SLC44A3: variants seen among roughly 807,000 people sequenced by gnomAD.
SLC44A3 encodes the protein choline transporter-like protein 3.
A neutral mutation model predicts 75.4 loss-of-function variants in SLC44A3; 74 were observed. The ratio of observed to expected loss-of-function variants is 0.98; its 90% CI spans 0.81 to 1.19. The LOEUF (loss-of-function observed/expected upper bound fraction) is 1.19, where lower values mean the gene tolerates loss of function less well. SLC44A3 is among the 50% of genes most tolerant of loss of function. The pLI is 0.00. For missense variants in SLC44A3, 700 were observed against 778.6 expected (o/e 0.90, Z 1.20); for synonymous variants, 310 against 296.9 (o/e 1.04, Z -0.45).
chr1:94,869,833 G>T (rs1667565256), intron 12 of SLC44A3, among the ~76,000 whole-genome samples: 1 of 152,156 alleles, frequency 6.6e-6, no homozygotes, highest in African/African-American at 2.4e-5. Context: ...TGGCATCTCT[G>T]TCTCTGGAAA....
chr1:94,856,972 C>A (rs1423257988), intron 9 of SLC44A3, among the ~76,000 whole-genome samples: 3 of 152,082 alleles, frequency 2.0e-5, no homozygotes, highest in African/African-American at 7.2e-5. Context: ...CTCAGGTGAT[C>A]CGCCCACCTC....
chr1:94,841,059 C>T (rs1663562228), intron 7 of SLC44A3, among the ~76,000 whole-genome samples: 1 of 152,158 alleles, frequency 6.6e-6, no homozygotes, highest in Non-Finnish European at 1.5e-5. Context: ...TTACACAAAC[C>T]TAGATGGTAG....
chr1:94,870,675 T>C (rs1384070022), intron 12 of SLC44A3, among the ~76,000 whole-genome samples: 1 of 152,130 alleles, frequency 6.6e-6, no homozygotes, highest in African/African-American at 2.4e-5. Flanking sequence ...AGGTTTTTTG[T>C]TTTCGTTTTT....
intron 12 of SLC44A3, among the ~76,000 whole-genome samples, chr1:94,878,024 G>A (rs1021071123): frequency 2.6e-5 from 4 of 152,150 alleles, no homozygotes; most frequent in African/African-American, 9.7e-5. Context: ...CACGAGGTCA[G>A]GAGATCGAGA....
chr1:94,850,438 A>G (rs1665067563), intron 9 of SLC44A3, among the ~76,000 whole-genome samples: 1 of 152,168 alleles, frequency 6.6e-6, no homozygotes. Flanking sequence ...ATAGAAGAGA[A>G]CCATATTGGA....
chr1:94,873,613 C>G (rs574626562), intron 12 of SLC44A3, among the ~76,000 whole-genome samples: 26 of 152,284 alleles, frequency 1.7e-4, no homozygotes, highest in African/African-American at 6.3e-4. Context: ...TGTAGTATCT[C>G]CAAACATTCT....
rs546640915 is a variant in SLC44A3, at chr1:94,881,660, T to C, written c.1483-9470T>C. ...CGAAGCTTGCAGTGAGCTGAGATCA[T>C]GCCACTGCACTGAAGCCTGGGCAAC... On this transcript the variant is annotated intron_variant, in intron 12 of 14. Transcript: ENST00000271227. 7.1e-5 allele frequency among the ~76,000 whole-genome samples: 10 copies of C among 141,042 alleles called. No individual in the cohort carries two copies. The East Asian group carries it at 1.8e-3, about 25-fold the overall frequency. The allele number at this position is 141,042 out of a possible 152,430, so 92.5% of individuals were successfully genotyped here.
At chr1:94,881,460 T>A (rs576035818) in intron 12 of SLC44A3, among the ~76,000 whole-genome samples, 1 of 152,242 alleles carries the variant, frequency 6.6e-6, no homozygotes, top group South Asian at 2.1e-4. Flanking sequence ...ATCCCAGCGC[T>A]TTGGGAGGCT....
intron 12 of SLC44A3, among the ~76,000 whole-genome samples, chr1:94,877,122 C>G (rs1668375292): frequency 7.7e-6 from 1 of 130,392 alleles, no homozygotes; most frequent in South Asian, 2.4e-4. Flanking sequence ...CTTCTCCAAG[C>G]TGTGTTTAAA....
At chr1:94,847,410 G>T (rs902417994) in intron 9 of SLC44A3, among the ~76,000 whole-genome samples, 1 of 152,158 alleles carries the variant, frequency 6.6e-6, no homozygotes, top group African/African-American at 2.4e-5. Context: ...CACAGGTGGC[G>T]CTTCCACCCA....
At chr1:94,888,556 C>T in intron 12 of SLC44A3, 1 of 579,044 alleles carries the variant, frequency 1.7e-6, no homozygotes, top group African/African-American at 2.0e-5. Flanking sequence ...AGCAGCTTTC[C>T]AGCAACAGCT....
intron 9 of SLC44A3, among the ~76,000 whole-genome samples, chr1:94,856,800 G>A (rs895367424): frequency 3.3e-5 from 5 of 151,758 alleles, no homozygotes; most frequent in Admixed American, 2.0e-4. Flanking sequence ...GCGTGATCTC[G>A]GCTCACTCCT....
At chr1:94,846,008 G>A (rs12068652) in intron 9 of SLC44A3, among the ~76,000 whole-genome samples, 2,061 of 152,176 alleles carry the variant, frequency 0.014, 32 homozygotes, top group African/African-American at 0.047. Flanking sequence ...TTAGCTGGGC[G>A]TGGTGGCGTG....
intron 12 of SLC44A3, among the ~76,000 whole-genome samples, chr1:94,875,835 G>A (rs750188309): frequency 2.0e-5 from 3 of 152,172 alleles, no homozygotes; most frequent in Non-Finnish European, 4.4e-5. Flanking sequence ...AGAACATGAA[G>A]CAAACCCTTT....
In SLC44A3 at chr1:94,857,357, C is replaced by A. The variant is rs148189894; in HGVS notation, c.1095C>A (p.Gly365=). 1.2e-6 allele frequency: 2 copies of A among 1,609,430 alleles called. No homozygotes were observed. Among genetic ancestry groups the A allele is most frequent in the Non-Finnish European group, 1.7e-6 (2 of 1,178,292 alleles). Residue 365 remains glycine (G), a synonymous_variant, in exon 10 of 15, where the codon GGC becomes GGA. Coordinates refer to ENST00000271227, the MANE Select transcript of SLC44A3 (RefSeq NM_001114106.3). ...GTAGAAQVME[G]GQVEYKPLSG... ...TAGGAGCTGCCCAGGTTATGGAAGG[C>A]GGCCAAGTGGAATATAAGCCCCTTT... is the stretch of plus-strand genomic sequence containing the variant.
chr1:94,864,660 G>C, intron 10 of SLC44A3, 83 bp from the exon 11 acceptor site: 2 of 1,431,338 alleles, frequency 1.4e-6, no homozygotes, highest in Non-Finnish European at 1.9e-6. Context: ...TAAGTTGTTA[G>C]TACCACAGAT....
At position 94,853,075 on chromosome 1, in the gene SLC44A3, A is replaced by G. The variant is rs141606497; in HGVS notation, c.1073-4260A>G. 1.9e-3 allele frequency among the ~76,000 whole-genome samples: 293 copies of G among 152,324 alleles called. 2 individuals are homozygous for G. The highest frequency in any genetic ancestry group is 6.7e-3 in the African/African-American group (279 of 41,570). On this transcript the variant is annotated intron_variant, in intron 9 of 14. Coordinates refer to ENST00000271227, the MANE Select transcript of SLC44A3 (RefSeq NM_001114106.3). Reference sequence around the variant, plus strand: ...CCATGAGATTAGAATGAATGTAGATAGAGAAGGGAAGAAATCCAAGGACTG... The same window carrying G: ...CCATGAGATTAGAATGAATGTAGATGGAGAAGGGAAGAAATCCAAGGACTG...
At chr1:94,872,747 G>T (rs1667900764) in intron 12 of SLC44A3, among the ~76,000 whole-genome samples, 1 of 152,330 alleles carries the variant, frequency 6.6e-6, no homozygotes, top group Non-Finnish European at 1.5e-5. Flanking sequence ...GCCCAGAGCT[G>T]GGGGCATGCA....
chr1:94,893,272 G>A (rs568574329), intron 14 of SLC44A3, among the ~76,000 whole-genome samples: 1 of 152,222 alleles, frequency 6.6e-6, no homozygotes. Flanking sequence ...TTTAAACAGA[G>A]CATTTAATGC....
Sources: allele counts gnomAD v4.1 joint callset (sites outside exome capture counted in the v4.1 genomes callset), GRCh38; gene constraint gnomAD v4.1.1; transcripts MANE v1.5; gene names NCBI Gene and HGNC (gene_info 2026-07-23, HGNC 2026-07-21).